Variants in NOL4L observed in about 807,000 individuals in gnomAD.
NOL4L encodes the protein nucleolar protein 4 like, also known as nucleolar protein 4-like.
In NOL4L, 7 loss-of-function variants were observed where a neutral mutation model predicts 64.5. The observed-to-expected ratio is 0.11, with a 90% confidence interval of 0.06 to 0.20. The LOEUF (loss-of-function observed/expected upper bound fraction) is 0.20. NOL4L is among the 10% of genes least tolerant of loss of function. NOL4L has a pLI of 1.00. For synonymous variants in NOL4L, 413 were observed against 401.0 expected (o/e 1.03, Z -0.36); for missense variants, 680 against 967.1 (o/e 0.70, Z 3.94).
intron 3 of NOL4L, among the ~76,000 whole-genome samples, chr20:32,513,953 G>C (rs1161604244): frequency 2.6e-5 from 4 of 152,194 alleles, no homozygotes; most frequent in Non-Finnish European, 5.9e-5. Context: ...AAGCGGTGAA[G>C]TTACCCAAAG....
chr20:32,555,226 G>T (rs542610840), intron 1 of NOL4L, among the ~76,000 whole-genome samples: 16 of 152,166 alleles, frequency 1.1e-4, no homozygotes, highest in African/African-American at 3.9e-4. Context: ...TGTCTGTTAC[G>T]GCCTGAATTG....
At chr20:32,488,853 T>G (rs894490511) in intron 4 of NOL4L, among the ~76,000 whole-genome samples, 1 of 100,654 alleles carries the variant, frequency 9.9e-6, no homozygotes, top group Non-Finnish European at 1.8e-5. Flanking sequence ...CTTTCTTTCT[T>G]TCTTTCTTTC....
rs569197365 is a variant in NOL4L, at chr20:32,559,678, T to C, written c.321+24892A>G. 2.0e-5 allele frequency among the ~76,000 whole-genome samples: 3 copies of C among 152,360 alleles called. No homozygotes were observed. In the East Asian group the frequency reaches 5.8e-4, roughly 29 times the overall value. On this transcript the variant is annotated intron_variant, in intron 1 of 10. Coordinates refer to ENST00000621426, the MANE Select transcript of NOL4L (RefSeq NM_001256798.2). ...AGGCCCCCAGGCGCCAGGACTGGAA[T>C]GCATGGCCTAGTTCTGAGGGCCCAG...
chr20:32,533,129 A>C (rs1016214847), intron 1 of NOL4L, among the ~76,000 whole-genome samples: 12 of 152,182 alleles, frequency 7.9e-5, no homozygotes, highest in African/African-American at 2.9e-4. Context: ...TAAAACAAAA[A>C]CAAAAACAAA....
chr20:32,452,094 C>G, intron 10 of NOL4L, 142 bp downstream of exon 10: 1 of 599,942 alleles, frequency 1.7e-6, no homozygotes. Flanking sequence ...CAGAGCCGCC[C>G]CTCCTGCTCC....
At chr20:32,553,673 C>T (rs1978454045) in intron 1 of NOL4L, among the ~76,000 whole-genome samples, 1 of 152,160 alleles carries the variant, frequency 6.6e-6, no homozygotes. Context: ...TTCTCTAGCA[C>T]CAAGAACAGA....
intron 1 of NOL4L, among the ~76,000 whole-genome samples, chr20:32,583,526 G>A (rs1236367605): frequency 2.0e-5 from 3 of 149,116 alleles, no homozygotes; most frequent in African/African-American, 7.3e-5. Context: ...CTCCGGCCGG[G>A]GAGGGAGCAA....
intron 1 of NOL4L, among the ~76,000 whole-genome samples, chr20:32,530,121 G>A (rs942850144): frequency 6.6e-6 from 1 of 152,148 alleles, no homozygotes; most frequent in Non-Finnish European, 1.5e-5. Context: ...TATTATGATA[G>A]GTCAGTTAGA....
chr20:32,479,046 C>G (rs1249553894), intron 4 of NOL4L, among the ~76,000 whole-genome samples: 2 of 152,372 alleles, frequency 1.3e-5, no homozygotes, highest in East Asian at 3.9e-4. Flanking sequence ...CCCTCTGCAA[C>G]CTGTCTGGCG....
intron 1 of NOL4L, among the ~76,000 whole-genome samples, chr20:32,536,814 G>C (rs1185666076): frequency 1.7e-3 from 42 of 25,136 alleles, no homozygotes; most frequent in South Asian, 2.9e-3. Context: ...GGGGGGGGGC[G>C]CACCAACGGG....
chr20:32,555,102 C>T (rs948551960), intron 1 of NOL4L, among the ~76,000 whole-genome samples: 3 of 152,114 alleles, frequency 2.0e-5, no homozygotes, highest in African/African-American at 7.2e-5. Context: ...GCACCATGTG[C>T]CCCCTCTCAG....
At chr20:32,507,357 C>T (rs926015027) in intron 4 of NOL4L, among the ~76,000 whole-genome samples, 3 of 152,176 alleles carry the variant, frequency 2.0e-5, no homozygotes, top group Non-Finnish European at 2.9e-5. Flanking sequence ...ACCCCCATAG[C>T]GGTGCCTTGT....
At chr20:32,541,281 C>T (rs750894169) in intron 1 of NOL4L, among the ~76,000 whole-genome samples, 1 of 152,234 alleles carries the variant, frequency 6.6e-6, no homozygotes, top group African/African-American at 2.4e-5. Context: ...CAAGTGGCCT[C>T]ATGGCTACTG....
chr20:32,557,847 T>C (rs1978761891), intron 1 of NOL4L, among the ~76,000 whole-genome samples: 1 of 152,174 alleles, frequency 6.6e-6, no homozygotes, highest in Admixed American at 6.5e-5. Context: ...GGTGGATCAC[T>C]TGAGCTCAGG....
At chr20:32,493,368 G>A (rs1294696470) in intron 4 of NOL4L, among the ~76,000 whole-genome samples, 2 of 152,126 alleles carry the variant, frequency 1.3e-5, no homozygotes, top group Non-Finnish European at 2.9e-5. Context: ...AAGGCTCTGG[G>A]GCCCGGGATG....
intron 4 of NOL4L, among the ~76,000 whole-genome samples, chr20:32,492,778 G>T (rs2016518528): frequency 6.6e-6 from 1 of 152,162 alleles, no homozygotes. Context: ...AGGGGCTTCT[G>T]GGAGAAGATT....
chr20:32,529,779 T>C (rs2018275821), intron 1 of NOL4L, among the ~76,000 whole-genome samples: 1 of 152,200 alleles, frequency 6.6e-6, no homozygotes, highest in South Asian at 2.1e-4. Context: ...CCCATTTCAG[T>C]GGGACGTCTC....
intron 4 of NOL4L, among the ~76,000 whole-genome samples, chr20:32,475,731 C>G (rs2015350767): frequency 6.6e-6 from 1 of 152,224 alleles, no homozygotes; most frequent in Non-Finnish European, 1.5e-5. Flanking sequence ...TGTGGGCCCC[C>G]AGTGAGGACC....
chr20:32,481,076 G>A (rs187957996), intron 4 of NOL4L, among the ~76,000 whole-genome samples: 17 of 152,250 alleles, frequency 1.1e-4, no homozygotes, highest in Admixed American at 2.0e-4. Flanking sequence ...TCACTCACAC[G>A]CACACTGTGT....
Sources: gnomAD v4.1 joint callset for allele counts (sites outside exome capture counted in the v4.1 genomes callset) on GRCh38, gnomAD v4.1.1 for gene constraint, MANE v1.5 for transcripts, NCBI Gene and HGNC (gene_info 2026-07-23, HGNC 2026-07-21) for gene names.